Variants in RGS9 observed in about 807,000 individuals in gnomAD.
RGS9 encodes regulator of G protein signaling 9.
In RGS9, 78 loss-of-function variants were observed where a neutral mutation model predicts 102.0. The ratio of observed to expected loss-of-function variants is 0.76; its 90% CI spans 0.64 to 0.92. RGS9 has a LOEUF of 0.92. RGS9 is among the 40% of genes least tolerant of loss of function. The probability of loss-of-function intolerance (pLI) is 0.00; values close to 1 mark genes in which losing one functional copy is unlikely to be tolerated. For synonymous variants in RGS9, 353 were observed against 318.6 expected, an observed-to-expected ratio of 1.11 and a Z score of -1.15; for missense variants, 833 against 866.1, an observed-to-expected ratio of 0.96 and a Z score of 0.48.
Position 65,210,539 on chromosome 17 carries a change from C to T in RGS9, c.1341C>T (p.Val447=). ...RRHLRSSPSP[V]ILRQLEEEAK... is the part of the protein sequence containing the mutation. Reference sequence around the variant, plus strand: ...ACCTGCGCTCCAGCCCAAGCCCTGTCATCCTGAGACAGCTGGAAGAGGAAG... The same window carrying T: ...ACCTGCGCTCCAGCCCAAGCCCTGTTATCCTGAGACAGCTGGAAGAGGAAG... The change falls in exon 17 of 19, where the codon GTC becomes GTT. Residue 447 remains valine, a synonymous_variant. Transcript: ENST00000262406. 1 of 1,614,070 alleles carries T rather than the reference C, an allele frequency of 6.2e-7. No homozygotes were observed. Among genetic ancestry groups the T allele is most frequent in the Non-Finnish European group, 8.5e-7 (1 of 1,180,038 alleles).
At chr17:65,158,680 AG>A in intron 3 of RGS9, 1 of 425,048 alleles carries the variant, frequency 2.4e-6, no homozygotes, top group Admixed American at 3.5e-5. Context: ...TCTTCCTATA[AG>A]GGGACACTAG....
intron 11 of RGS9, 33 bp downstream of exon 11, chr17:65,190,269 C>T (rs1316098411): frequency 1.3e-6 from 2 of 1,538,156 alleles, no homozygotes; most frequent in Non-Finnish European, 1.8e-6. Context: ...TTGCTAAAGT[C>T]TGATGAACAG....
At chr17:65,197,363 A>G in intron 13 of RGS9, 122 bp downstream of exon 13, 1 of 724,402 alleles carries the variant, frequency 1.4e-6, no homozygotes, top group Non-Finnish European at 2.4e-6. Context: ...TTATGCCCTT[A>G]AACAGTTGCT....
chr17:65,185,583 T>C (rs1274002781), intron 9 of RGS9: 1 of 152,420 alleles, frequency 6.6e-6, no homozygotes, highest in African/African-American at 2.4e-5. Context: ...GCTAAATTCA[T>C]GTGGACAATC....
chr17:65,206,505 C>T (rs1913068860), intron 15 of RGS9, among the ~76,000 whole-genome samples: 1 of 152,110 alleles, frequency 6.6e-6, no homozygotes, highest in Admixed American at 6.5e-5. Context: ...TGGTGAAACC[C>T]CGTCTCTACC....
intron 1 of RGS9, among the ~76,000 whole-genome samples, chr17:65,148,603 A>C (rs189010412): frequency 1.3e-5 from 2 of 151,896 alleles, no homozygotes; most frequent in East Asian, 3.9e-4. Context: ...TTCTTATACC[A>C]CCCCTCCCTT....
At chr17:65,199,796 G>T (rs8075687) in intron 13 of RGS9, among the ~76,000 whole-genome samples, 30,443 of 151,674 alleles carry the variant, frequency 0.2, 5,112 homozygotes, top group African/African-American at 0.44. Context: ...GCCTGGCCAC[G>T]TGGTTCCTTT....
chr17:65,214,043 C>T (rs1913402168), intron 17 of RGS9, among the ~76,000 whole-genome samples: 1 of 152,134 alleles, frequency 6.6e-6, no homozygotes, highest in African/African-American at 2.4e-5. Context: ...CTCACTGCAG[C>T]CTTGACCTCC....
chr17:65,150,843 C>A (rs1910550672), intron 1 of RGS9, among the ~76,000 whole-genome samples: 1 of 152,144 alleles, frequency 6.6e-6, no homozygotes, highest in Non-Finnish European at 1.5e-5. Context: ...TGTCGAATGA[C>A]CAGCTGACCA....
intron 1 of RGS9, among the ~76,000 whole-genome samples, chr17:65,151,661 CCTTTG>C (rs1160930943): frequency 6.6e-6 from 1 of 152,196 alleles, no homozygotes; most frequent in Non-Finnish European, 1.5e-5. Context: ...AAGGCAGACA[CCTTTG>C]CTTCCAGAAG....
At chr17:65,177,868 C>T (rs1377901225) in intron 9 of RGS9, 65 bp downstream of exon 9, 4 of 1,269,628 alleles carry the variant, frequency 3.2e-6, no homozygotes, top group Middle Eastern at 1.9e-4. Flanking sequence ...AAGGTGTCCA[C>T]ATGTCTATTC....
At chr17:65,178,066 T>C (rs1354441856) in intron 9 of RGS9, among the ~76,000 whole-genome samples, 1 of 152,124 alleles carries the variant, frequency 6.6e-6, no homozygotes, top group Non-Finnish European at 1.5e-5. Flanking sequence ...GATGGCTGGT[T>C]TTCAAACTTT....
At chr17:65,164,986 T>A (rs766297933) in intron 7 of RGS9, among the ~76,000 whole-genome samples, 1 of 152,120 alleles carries the variant, frequency 6.6e-6, no homozygotes, top group African/African-American at 2.4e-5. Flanking sequence ...TAATGGTAGA[T>A]CTTAGGCTGA....
At chr17:65,204,414 C>G in intron 15 of RGS9, 113 bp downstream of exon 15, 1 of 1,311,370 alleles carries the variant, frequency 7.6e-7, no homozygotes, top group Non-Finnish European at 1.1e-6. Flanking sequence ...TAGAGCTTTG[C>G]CGGTTGTGGC....
intron 17 of RGS9, among the ~76,000 whole-genome samples, chr17:65,217,348 C>T (rs1044732393): frequency 6.6e-6 from 1 of 152,182 alleles, no homozygotes; most frequent in Non-Finnish European, 1.5e-5. Context: ...GAACAAAAAA[C>T]CAGACCTTTA....
At chr17:65,208,045 C>T in intron 16 of RGS9, 38 bp downstream of exon 16, 3 of 1,412,672 alleles carry the variant, frequency 2.1e-6, no homozygotes, top group Non-Finnish European at 2.0e-6. Context: ...CTGCCTGCTG[C>T]TTAGTTTACA....
intron 7 of RGS9, 112 bp downstream of exon 7, chr17:65,163,201 GT>G: frequency 2.1e-6 from 1 of 472,842 alleles, no homozygotes; most frequent in Non-Finnish European, 3.6e-6. Context: ...TTGAGACAGA[GT>G]CTTGCTCTGT....
intron 1 of RGS9, among the ~76,000 whole-genome samples, chr17:65,148,929 T>C (rs1910470750): frequency 6.6e-6 from 1 of 152,120 alleles, no homozygotes; most frequent in African/African-American, 2.4e-5. Flanking sequence ...GTCTTTGCAA[T>C]ATCCCTACGA....
At chr17:65,155,321 G>A (rs574223774) in intron 2 of RGS9, among the ~76,000 whole-genome samples, 82 of 152,276 alleles carry the variant, frequency 5.4e-4, no homozygotes, top group Non-Finnish European at 1.1e-3. Context: ...ACTGGACTGG[G>A]GCCCTTTAAG....
Sources: allele counts gnomAD v4.1 joint callset (sites outside exome capture counted in the v4.1 genomes callset), GRCh38; gene constraint gnomAD v4.1.1; transcripts MANE v1.5; gene names NCBI Gene and HGNC (gene_info 2026-07-23, HGNC 2026-07-21).